UQCRC2: variants seen among roughly 807,000 people sequenced by gnomAD.
The protein encoded by UQCRC2 is cytochrome b-c1 complex subunit 2, mitochondrial.
Under a neutral mutation model 55.6 loss-of-function variants are expected in UQCRC2, and 49 were observed. The observed-to-expected ratio is 0.88, with a 90% CI of 0.70 to 1.12. UQCRC2 has a LOEUF of 1.12. UQCRC2 is among the 50% of genes most tolerant of loss of function. The pLI is 0.00. For synonymous variants in UQCRC2, 193 were observed against 192.0 expected, an observed-to-expected ratio of 1.01 and a Z score of -0.04; for missense variants, 506 against 547.8, an observed-to-expected ratio of 0.92 and a Z score of 0.76.
rs1225966832 is a variant in UQCRC2 at position 21,965,459 on chromosome 16, C to T, written c.566C>T (p.Pro189Leu). 6.2e-7 allele frequency: 1 copy of T among 1,613,706 alleles called. No homozygotes were observed. The highest frequency in any genetic ancestry group is 8.5e-7 in the Non-Finnish European group (1 of 1,179,918). The change falls in exon 7 of 14, where the codon CCC (proline) becomes CTC (leucine). Residue 189 changes from proline to leucine, a missense_variant. Coordinates refer to ENST00000268379, the MANE Select transcript of UQCRC2 (RefSeq NM_003366.4). ...AAAYRNALAN[P>L]LYCPDYRIGK... ...GCTTACCGGAATGCCTTGGCTAATC[C>T]CTTGTATTGTCCTGACTATAGGATT...
At chr16:21,964,928 C>T (rs1226252391) in intron 6 of UQCRC2, among the ~76,000 whole-genome samples, 1 of 152,192 alleles carries the variant, frequency 6.6e-6, no homozygotes, top group African/African-American at 2.4e-5. Context: ...GGGAAAGCAC[C>T]AAGCACCACA....
chr16:21,973,581 A>G (rs756119023), intron 10 of UQCRC2, among the ~76,000 whole-genome samples: 4 of 152,206 alleles, frequency 2.6e-5, no homozygotes, highest in Non-Finnish European at 2.9e-5. Flanking sequence ...GCCTATCTAT[A>G]TTATAATAAT....
chr16:21,971,899 C>T, intron 9 of UQCRC2, 24 bp from the exon 10 acceptor site: 1 of 1,612,410 alleles, frequency 6.2e-7, no homozygotes, highest in Non-Finnish European at 8.5e-7. Context: ...TTTCTTCTTC[C>T]CTCTATCCTT....
intron 12 of UQCRC2, 96 bp from the exon 13 acceptor site, chr16:21,980,451 A>C (rs1898690385): frequency 1.5e-6 from 2 of 1,341,076 alleles, no homozygotes; most frequent in African/African-American, 2.9e-5. Flanking sequence ...CTATCCATTA[A>C]ATAAAGCTTT....
At chr16:21,960,065 G>T (rs1456575112) in intron 4 of UQCRC2, among the ~76,000 whole-genome samples, 2 of 152,160 alleles carry the variant, frequency 1.3e-5, no homozygotes, top group East Asian at 3.8e-4. Flanking sequence ...GTCACCAGCT[G>T]CATTAGTCCC....
chr16:21,953,758 ACCGTGAAAC>A (rs931713001), intron 1 of UQCRC2, among the ~76,000 whole-genome samples: 1 of 151,994 alleles, frequency 6.6e-6, no homozygotes, highest in Non-Finnish European at 1.5e-5. Flanking sequence ...GGAGAAAGAG[ACCGTGAAAC>A]CCAGGGGGAG....
chr16:21,980,998 A>G (rs1412497306), intron 13 of UQCRC2, among the ~76,000 whole-genome samples: 1 of 152,216 alleles, frequency 6.6e-6, no homozygotes, highest in East Asian at 1.9e-4. Context: ...CACCTAACGT[A>G]TCAAACGTTA....
intron 11 of UQCRC2, among the ~76,000 whole-genome samples, chr16:21,975,889 C>G (rs1198594453): frequency 6.6e-6 from 1 of 152,096 alleles, no homozygotes; most frequent in East Asian, 1.9e-4. Context: ...CCACACATCT[C>G]TACAAAAAAA....
Position 21,971,990 on chromosome 16 carries a change from G to A in UQCRC2, c.834G>A (p.Ala278=), listed in dbSNP as rs148253765. Residue 278 remains alanine, a synonymous_variant, in exon 10 of 14, where the codon GCG becomes GCA. Coordinates refer to ENST00000268379, the MANE Select transcript of UQCRC2 (RefSeq NM_003366.4). Reference sequence around the variant, plus strand: ...CTTTTGTAGCAGAAAGTGCTGTCGCGGGAAGTGCAGAGGCAAATGCATTTA... The same window carrying A: ...CTTTTGTAGCAGAAAGTGCTGTCGCAGGAAGTGCAGAGGCAAATGCATTTA... ...HAAFVAESAV[A]GSAEANAFSV... The A allele has an allele frequency of 4.2e-5, 68 of 1,614,124 alleles. No homozygotes were observed. The African/African-American group carries it at 6.9e-4, about 16-fold the overall frequency.
rs888183808 is a variant in UQCRC2 at position 21,970,875 on chromosome 16, C to T, written c.671-650C>T. Among the ~76,000 whole-genome samples, 3 of 152,212 alleles carry T rather than the reference C, an allele frequency of 2.0e-5. No homozygotes were observed. In the East Asian group the frequency reaches 5.8e-4, roughly 29 times the overall value. On this transcript the variant is annotated intron_variant, in intron 8 of 13. Coordinates refer to ENST00000268379, the MANE Select transcript of UQCRC2 (RefSeq NM_003366.4). ...TGTTGGGATTACAGATGTGAGCCAC[C>T]GTGCCCAGTCAACTTTGGAGAAATG...
At chr16:21,980,327 CTT>C (rs1898687495) in intron 12 of UQCRC2, 2 of 513,058 alleles carry the variant, frequency 3.9e-6, no homozygotes, top group South Asian at 6.2e-5. Context: ...CAATTGGACA[CTT>C]TGGCAACCCT....
At chr16:21,957,129 C>A in intron 1 of UQCRC2, 106 bp from the exon 2 acceptor site, 1 of 1,031,348 alleles carries the variant, frequency 9.7e-7, no homozygotes, top group Non-Finnish European at 1.4e-6. Context: ...ATTGCTCCTT[C>A]CACCCCCGAA....
chr16:21,980,669 T>C lies in UQCRC2; in HGVS notation c.1247T>C (p.Ile416Thr), dbSNP rs1443761082. 1 of 1,614,182 alleles carries C rather than the reference T, an allele frequency of 6.2e-7. No homozygotes were observed. Among genetic ancestry groups the C allele is most frequent in the Non-Finnish European group, 8.5e-7 (1 of 1,180,022 alleles). Reference sequence around the variant, plus strand: ...CCACCATCCACAGTCCTTCAGCAGATTGATTCAGTGGCTAATGCTGATATC... The same window carrying C: ...CCACCATCCACAGTCCTTCAGCAGACTGATTCAGTGGCTAATGCTGATATC... ...YMPPSTVLQQ[I>T]DSVANADIIN... The change falls in exon 13 of 14, where the codon ATT becomes ACT. Residue 416 changes from isoleucine (I) to threonine (T), a missense_variant. By Grantham distance (89) the Ile-to-Thr change is moderately conservative. Transcript: ENST00000268379.
At chr16:21,967,088 CAAAGTT>C (rs1171026820) in intron 7 of UQCRC2, among the ~76,000 whole-genome samples, 1 of 151,848 alleles carries the variant, frequency 6.6e-6, no homozygotes, top group Non-Finnish European at 1.5e-5. Flanking sequence ...TTGGTTATCT[CAAAGTT>C]AATAGTATTT....
rs1381077849 is a variant in UQCRC2, at chr16:21,962,869, T to C, written c.498T>C (p.Phe166=). The C allele has an allele frequency of 6.2e-7, 1 of 1,613,912 alleles. No homozygotes were observed. The highest frequency in any genetic ancestry group is 1.3e-5 in the African/African-American group (1 of 74,934). The change falls in exon 6 of 14, where the codon TTT becomes TTC. Residue 166 remains phenylalanine (F), a synonymous_variant. Coordinates refer to ENST00000268379, the MANE Select transcript of UQCRC2 (RefSeq NM_003366.4). The part of the protein sequence containing the change: ...PQLKIDKAVA[F]QNPQTHVIEN... ...TAAAGATTGACAAAGCTGTGGCCTTTCAGAATCCGCAGACTCGTAAGTACA... is the reference window on the plus strand; with the variant it reads ...TAAAGATTGACAAAGCTGTGGCCTTCCAGAATCCGCAGACTCGTAAGTACA...
At chr16:21,975,803 G>A (rs1163869438) in intron 11 of UQCRC2, among the ~76,000 whole-genome samples, 1 of 152,120 alleles carries the variant, frequency 6.6e-6, no homozygotes, top group African/African-American at 2.4e-5. Flanking sequence ...AGAAATCCAT[G>A]TGTTTGGCCG....
rs748653430 is a variant in UQCRC2, at chr16:21,980,649, A to G, written c.1227A>G (p.Pro409=). 1 of 1,614,208 alleles carries G rather than the reference A, an allele frequency of 6.2e-7. No individual in the cohort carries two copies. Residue 409 remains proline (P), a synonymous_variant, in exon 13 of 14, where the codon CCA becomes CCG. Transcript: ENST00000268379. ...QALVAGSYMP[P]STVLQQIDSV... ...TAGTTGCTGGTTCTTACATGCCACCATCCACAGTCCTTCAGCAGATTGATT... is the reference window on the plus strand; with the variant it reads ...TAGTTGCTGGTTCTTACATGCCACCGTCCACAGTCCTTCAGCAGATTGATT...
chr16:21,967,285 A>G (rs1203601630), intron 7 of UQCRC2, among the ~76,000 whole-genome samples: 1 of 152,178 alleles, frequency 6.6e-6, no homozygotes, highest in African/African-American at 2.4e-5. Flanking sequence ...TTAAAAGTTC[A>G]GTTTCATTAC....
At position 21,953,453 on chromosome 16, in the gene UQCRC2, C is replaced by T. The variant is rs773979674; in HGVS notation, c.30C>T (p.Phe10=). The T allele has an allele frequency of 3.7e-6, 6 of 1,612,760 alleles. No homozygotes were observed. In the Admixed American group the frequency reaches 8.4e-5, roughly 22 times the overall value. The change falls in exon 1 of 14, where the codon TTC becomes TTT. Residue 10 remains phenylalanine (F), a synonymous_variant. Transcript: ENST00000268379. The stretch of plus-strand genomic sequence containing the variant: ...AGCTACTAACCAGAGCCGGCTCTTT[C>T]TCGGTGAGCTCAGGTGGCGGGTTTG... MKLLTRAGS[F]SRFYSLKVAP... is the part of the protein sequence containing the mutation.
Sources: allele counts gnomAD v4.1 joint callset (sites outside exome capture counted in the v4.1 genomes callset), GRCh38; gene constraint gnomAD v4.1.1; transcripts MANE v1.5; gene names NCBI Gene and HGNC (gene_info 2026-07-23, HGNC 2026-07-21).